Variants in ROCK1 observed in about 807,000 individuals in gnomAD.
ROCK1 encodes the protein rho-associated protein kinase 1.
ROCK1 carries 36 observed loss-of-function variants against 196.8 expected under a neutral mutation model. The observed-to-expected ratio is 0.18, with a 90% CI of 0.14 to 0.24. The LOEUF is 0.24. Among genes scored for constraint, ROCK1 ranks in the 10% least tolerant of loss-of-function variants. The pLI, the probability that ROCK1 is intolerant of heterozygous loss-of-function variation, is 1.00. For missense variants in ROCK1, 920 were observed against 1,562.0 expected (o/e 0.59, Z 6.93); for synonymous variants, 443 against 515.9 (o/e 0.86, Z 1.91).
At chr18:21,008,241 C>A in intron 13 of ROCK1, 47 bp from the exon 14 acceptor site, 4 of 1,332,972 alleles carry the variant, frequency 3.0e-6, no homozygotes, top group East Asian at 2.6e-5. Context: ...ATACTCTGGT[C>A]ATTCATTCAA....
intron 1 of ROCK1, among the ~76,000 whole-genome samples, chr18:21,083,752 T>G (rs1190953208): frequency 2.6e-5 from 4 of 152,230 alleles, no homozygotes; most frequent in Non-Finnish European, 5.9e-5. Flanking sequence ...ACATATAACA[T>G]ACAAAATACG....
intron 11 of ROCK1, among the ~76,000 whole-genome samples, chr18:21,022,343 T>G (rs993706558): frequency 3.3e-5 from 5 of 152,154 alleles, no homozygotes; most frequent in African/African-American, 1.2e-4. Context: ...CAGAAAGAAC[T>G]CAACTAAAAT....
intron 31 of ROCK1, 62 bp downstream of exon 31, chr18:20,954,721 T>C (rs2035224696): frequency 1.6e-5 from 24 of 1,481,418 alleles, no homozygotes; most frequent in Non-Finnish European, 2.2e-5. Context: ...ACACATAAGT[T>C]AGTTCATTGA....
At chr18:20,979,398 C>T (rs560159304) in intron 22 of ROCK1, among the ~76,000 whole-genome samples, 55 of 152,102 alleles carry the variant, frequency 3.6e-4, no homozygotes, top group African/African-American at 1.1e-3. Context: ...CCAAGGTGGA[C>T]GGAATATGAG....
At position 20,949,660 on chromosome 18, in the gene ROCK1, T is replaced by A. The variant is rs1048039487; in HGVS notation, c.*1724A>T. ...GATGTGTAGAAATGCAAGAGACCCA[T>A]GGAGAATTGTTTTCCAACACACTTT... On this transcript the variant is annotated 3_prime_UTR_variant, in exon 33 of 33. Coordinates refer to ENST00000399799, the MANE Select transcript of ROCK1 (RefSeq NM_005406.3). 5.3e-5 allele frequency: 8 copies of A among 152,292 alleles called. No homozygotes were observed. Among genetic ancestry groups the A allele is most frequent in the Non-Finnish European group, 1.2e-4 (8 of 68,046 alleles). The allele number at this position is 152,292 out of a possible 1,614,324, so 9.4% of individuals were successfully genotyped here.
intron 1 of ROCK1, among the ~76,000 whole-genome samples, chr18:21,099,233 C>T (rs890457591): frequency 3.3e-5 from 5 of 152,056 alleles, no homozygotes; most frequent in African/African-American, 9.7e-5. Flanking sequence ...ATGTAACATG[C>T]TACTTTTTGC....
intron 10 of ROCK1, among the ~76,000 whole-genome samples, chr18:21,026,210 C>T (rs140549251): frequency 0.012 from 1,833 of 152,168 alleles, 42 homozygotes; most frequent in African/African-American, 0.041. Flanking sequence ...TTTGGGAGGC[C>T]AAGGTGGGCG....
intron 9 of ROCK1, among the ~76,000 whole-genome samples, chr18:21,030,025 T>C (rs2035992834): frequency 6.6e-6 from 1 of 152,124 alleles, no homozygotes; most frequent in Non-Finnish European, 1.5e-5. Context: ...TAAATTAATA[T>C]TTAGGGAACG....
chr18:21,017,080 G>A (rs1402168057), intron 12 of ROCK1, among the ~76,000 whole-genome samples: 1 of 150,470 alleles, frequency 6.6e-6, no homozygotes, highest in African/African-American at 2.5e-5. Flanking sequence ...GACTCTTCTG[G>A]TTTAGCTTTC....
intron 13 of ROCK1, among the ~76,000 whole-genome samples, chr18:21,011,870 C>T (rs1254201823): frequency 6.6e-6 from 1 of 152,162 alleles, no homozygotes; most frequent in East Asian, 1.9e-4. Context: ...CAACTGCCTA[C>T]TATAAAAAAT....
intron 2 of ROCK1, among the ~76,000 whole-genome samples, chr18:21,060,138 AC>A (rs1289818188): frequency 6.6e-6 from 1 of 152,228 alleles, no homozygotes; most frequent in Non-Finnish European, 1.5e-5. Context: ...CTCTGAAAAT[AC>A]ACATACACCC....
At chr18:20,967,344 A>C (rs2035383556) in intron 26 of ROCK1, among the ~76,000 whole-genome samples, 1 of 152,150 alleles carries the variant, frequency 6.6e-6, no homozygotes. Context: ...AGTTACAACA[A>C]AAGAAAATGC....
At chr18:21,020,728 C>T (rs1305459394) in intron 11 of ROCK1, among the ~76,000 whole-genome samples, 3 of 152,030 alleles carry the variant, frequency 2.0e-5, no homozygotes, top group Non-Finnish European at 4.4e-5. Flanking sequence ...GGCATTTTAG[C>T]TAGAATGAAC....
chr18:20,996,106 T>A (rs1327260554), intron 16 of ROCK1, among the ~76,000 whole-genome samples: 1 of 152,068 alleles, frequency 6.6e-6, no homozygotes, highest in Non-Finnish European at 1.5e-5. Context: ...GACAGAGATA[T>A]AAGACCTTTC....
intron 11 of ROCK1, among the ~76,000 whole-genome samples, chr18:21,022,674 T>A (rs1296339274): frequency 1.3e-5 from 2 of 152,208 alleles, no homozygotes; most frequent in African/African-American, 4.8e-5. Flanking sequence ...AGGCTTTCTC[T>A]GAGCTACGAT....
chr18:21,079,132 T>C (rs1313963792), intron 1 of ROCK1, among the ~76,000 whole-genome samples: 2 of 152,170 alleles, frequency 1.3e-5, no homozygotes, highest in Admixed American at 1.3e-4. Flanking sequence ...GGCCTTCTAA[T>C]ATACACCTTA....
intron 2 of ROCK1, 95 bp from the exon 3 acceptor site, chr18:21,049,975 AAAC>A (rs779909244): frequency 8.9e-5 from 50 of 561,664 alleles, no homozygotes; most frequent in East Asian, 5.8e-4. Flanking sequence ...ACACAATGAA[AAAC>A]AACAAACTTC....
intron 22 of ROCK1, among the ~76,000 whole-genome samples, chr18:20,978,023 G>A (rs1250322593): frequency 6.6e-6 from 1 of 152,066 alleles, no homozygotes; most frequent in Non-Finnish European, 1.5e-5. Context: ...ATACAGCTCT[G>A]CAACAAACTA....
chr18:21,066,668 A>G (rs1054439465), intron 2 of ROCK1, among the ~76,000 whole-genome samples: 2 of 152,236 alleles, frequency 1.3e-5, no homozygotes, highest in African/African-American at 4.8e-5. Context: ...AGCATGTCCT[A>G]CAAATGGAAT....
Sources: gnomAD v4.1 joint callset for allele counts (sites outside exome capture counted in the v4.1 genomes callset) on GRCh38, gnomAD v4.1.1 for gene constraint, MANE v1.5 for transcripts, NCBI Gene and HGNC (gene_info 2026-07-23, HGNC 2026-07-21) for gene names.